The following CHAT variants were observed in gnomAD, a reference collection of about 807,000 sequenced individuals.
CHAT encodes the protein choline O-acetyltransferase.
Under a neutral mutation model 76.9 loss-of-function variants are expected in CHAT, and 61 were observed. That is an observed-to-expected ratio of 0.79 (90% CI 0.65 to 0.98). CHAT has a LOEUF of 0.98. Ranked by LOEUF, CHAT falls within the 50% of genes least tolerant of loss-of-function variation. The pLI, the probability that CHAT is intolerant of heterozygous loss-of-function variation, is 0.00. For missense variants in CHAT, 946 were observed against 986.9 expected (o/e 0.96, Z 0.56); for synonymous variants, 407 against 397.4 (o/e 1.02, Z -0.29).
At chr10:49,660,137 G>C (rs137995641) in intron 13 of CHAT, among the ~76,000 whole-genome samples, 1 of 152,050 alleles carries the variant, frequency 6.6e-6, no homozygotes, top group Non-Finnish European at 1.5e-5. Flanking sequence ...TGGGGGAGCA[G>C]GGTCATAAAA....
Position 49,642,820 on chromosome 10 carries a change from C to G in CHAT, c.1112-3685C>G, listed in dbSNP as rs1422368635. Among the ~76,000 whole-genome samples, 12 of 152,368 alleles carry G rather than the reference C, an allele frequency of 7.9e-5. No individual in the cohort carries two copies. In the East Asian group the frequency reaches 2.3e-3, roughly 29 times the overall value. ...AGGAATGAGGTGTACAGCATTCAAG[C>G]TGCCTATGGCCCCGGCTTGGCTGGC... On this transcript the variant is annotated intron_variant, in intron 7 of 14. Transcript: ENST00000337653.
chr10:49,654,948 T>C, intron 11 of CHAT, 147 bp from the exon 12 acceptor site: 1 of 915,208 alleles, frequency 1.1e-6, no homozygotes. Flanking sequence ...GAATTCCCTC[T>C]AGAATTCTAT....
intron 7 of CHAT, among the ~76,000 whole-genome samples, chr10:49,634,942 A>T (rs1192214058): frequency 6.6e-6 from 1 of 152,228 alleles, no homozygotes; most frequent in South Asian, 2.1e-4. Context: ...CAGAGATCTC[A>T]TATGTACCCA....
upstream of CHAT, chr10:49,610,900 G>C (rs1334529089): frequency 6.2e-7 from 1 of 1,612,408 alleles, no homozygotes; most frequent in South Asian, 1.1e-5. Flanking sequence ...CATGGTCATC[G>C]TGCCCATAGT....
At chr10:49,613,778 A>G (rs932909111), upstream of CHAT, among the ~76,000 whole-genome samples, 3 of 152,020 alleles carry the variant, frequency 2.0e-5, no homozygotes, top group Non-Finnish European at 2.9e-5. Context: ...AGTCTGTAGC[A>G]CCCCACCTCT....
At chr10:49,658,836 C>G (rs905262384) in intron 13 of CHAT, among the ~76,000 whole-genome samples, 4 of 151,834 alleles carry the variant, frequency 2.6e-5, no homozygotes, top group African/African-American at 7.3e-5. Context: ...TGATAGGAAA[C>G]TAAAAACATT....
At chr10:49,615,713 G>T in intron 1 of CHAT, 1 of 400,152 alleles carries the variant, frequency 2.5e-6, no homozygotes, top group Non-Finnish European at 4.5e-6. Flanking sequence ...AACAGTCTTT[G>T]CCCTCTTGGC....
intron 8 of CHAT, 93 bp from the exon 9 acceptor site, chr10:49,648,414 G>A: frequency 2.4e-6 from 2 of 831,142 alleles, no homozygotes; most frequent in Admixed American, 2.0e-5. Context: ...GAGAAGAGGT[G>A]CCCTGAGAAG....
At chr10:49,640,257 C>T (rs1022425494) in intron 7 of CHAT, among the ~76,000 whole-genome samples, 8 of 152,122 alleles carry the variant, frequency 5.3e-5, no homozygotes, top group South Asian at 2.1e-4. Flanking sequence ...ATGCAGCCTC[C>T]GCCTCCCGTG....
chr10:49,633,797 G>C (rs1839206462), intron 7 of CHAT, among the ~76,000 whole-genome samples: 2 of 152,320 alleles, frequency 1.3e-5, no homozygotes, highest in Non-Finnish European at 2.9e-5. Context: ...CCTGTGACCA[G>C]ACCTCAGAGG....
rs1433668401 is a variant in CHAT at position 49,627,804 on chromosome 10, C to T, written c.1111+19C>T. The T allele has an allele frequency of 6.2e-7, 1 of 1,611,146 alleles. No homozygotes were observed. Among genetic ancestry groups the T allele is most frequent in the Admixed American group, 1.7e-5 (1 of 59,982 alleles). ...GTGAAAGGTCAGCCGCAGTGCCCAGCACATCTCCATGCCCATCTCATGCTC... is the reference window on the plus strand; with the variant it reads ...GTGAAAGGTCAGCCGCAGTGCCCAGTACATCTCCATGCCCATCTCATGCTC... On this transcript the variant is annotated intron_variant, in intron 7 of 14. Transcript: ENST00000337653.
Position 49,614,239 on chromosome 10 carries a change from G to A in CHAT, c.50G>A (p.Trp17Ter). 2 of 1,544,358 alleles carry A rather than the reference G, an allele frequency of 1.3e-6. No individual in the cohort carries two copies. The highest frequency in any genetic ancestry group is 1.7e-6 in the Non-Finnish European group (2 of 1,143,344). ...AGGGGGCTTGGGGGAGGGGGGAAAT[G>A]GAAGAGAGAGGAGGGAGGAGGTACA... ...KKRGLGGGGK[W>*]KREEGGGTRG... The change falls in exon 1 of 15, where the codon TGG (tryptophan) becomes TAG (stop). Residue 17 changes from tryptophan to a stop codon, truncating the protein, a stop_gained. Coordinates refer to ENST00000337653, the MANE Select transcript of CHAT (RefSeq NM_020549.5). LOFTEE classifies it high-confidence loss of function.
chr10:49,614,117 T>A lies in CHAT; in HGVS notation c.-73T>A, dbSNP rs1838379563. The A allele has an allele frequency of 3.9e-6, 6 of 1,544,094 alleles. No individual in the cohort carries two copies. Among genetic ancestry groups the A allele is most frequent in the Non-Finnish European group, 5.2e-6 (6 of 1,146,288 alleles). On this transcript the variant is annotated 5_prime_UTR_variant, in exon 1 of 15. Transcript: ENST00000337653. ...TAGAGCCTAAATTTGTTGCCCGAGT[T>A]CCTCCGGGAAGCGCTCCGGGTAGAT...
intron 7 of CHAT, among the ~76,000 whole-genome samples, chr10:49,643,347 C>T (rs549588530): frequency 5.3e-5 from 8 of 152,284 alleles, no homozygotes; most frequent in African/African-American, 1.9e-4. Flanking sequence ...ATCTGTTCTC[C>T]GGCCATCCAA....
chr10:49,647,191 G>T lies in CHAT; in HGVS notation c.1281+517G>T, dbSNP rs1339987539. ...AAGTAGAACAGCCCAGCATCTCCATGGAAGAAAGACTGTAAGATGAGATAA... is the reference window on the plus strand; with the variant it reads ...AAGTAGAACAGCCCAGCATCTCCATTGAAGAAAGACTGTAAGATGAGATAA... On this transcript the variant is annotated intron_variant, in intron 8 of 14. Transcript: ENST00000337653. 1.7e-5 allele frequency: 3 copies of T among 173,722 alleles called. No homozygotes were observed. The East Asian group carries it at 4.3e-4, about 25-fold the overall frequency. The allele number at this position is 173,722 out of a possible 1,614,324, so 10.8% of individuals were successfully genotyped here.
At chr10:49,614,796 G>A (rs1838422841) in intron 1 of CHAT, among the ~76,000 whole-genome samples, 1 of 152,188 alleles carries the variant, frequency 6.6e-6, no homozygotes, top group Admixed American at 6.5e-5. Flanking sequence ...GGTCTGACCC[G>A]ACTCGCCTGA....
chr10:49,617,945 C>G (rs1002836849), intron 2 of CHAT, among the ~76,000 whole-genome samples: 1 of 152,154 alleles, frequency 6.6e-6, no homozygotes, highest in Non-Finnish European at 1.5e-5. Context: ...AGGCAGAGGG[C>G]CGTCATTCAT....
At chr10:49,613,928 G>A (rs540195390), upstream of CHAT, 1 of 592,920 alleles carries the variant, frequency 1.7e-6, no homozygotes, top group East Asian at 2.9e-5. Context: ...CTGGATGGTG[G>A]GGAGAGGAGG....
At chr10:49,611,923 G>T, upstream of CHAT, 1 of 1,612,426 alleles carries the variant, frequency 6.2e-7, no homozygotes, top group Non-Finnish European at 8.5e-7. Flanking sequence ...TTTTGGCATA[G>T]CCCTAGTCGA....
Sources: allele counts gnomAD v4.1 joint callset (sites outside exome capture counted in the v4.1 genomes callset), GRCh38; gene constraint gnomAD v4.1.1; transcripts MANE v1.5; gene names NCBI Gene and HGNC (gene_info 2026-07-23, HGNC 2026-07-21).